ATP8A2: variants seen among roughly 807,000 people sequenced by gnomAD.
ATP8A2 encodes the protein ATPase phospholipid transporting 8A2.
Under a neutral mutation model 165.6 loss-of-function variants are expected in ATP8A2, and 100 were observed. The ratio of observed to expected loss-of-function variants is 0.60; its 90% CI spans 0.51 to 0.71. ATP8A2 has a LOEUF of 0.71. Among genes scored for constraint, ATP8A2 ranks in the 30% least tolerant of loss-of-function variants. ATP8A2 has a pLI of 0.00. For missense variants in ATP8A2, 1,227 were observed against 1,479.5 expected (o/e 0.83, Z 2.80); for synonymous variants, 543 against 548.8 (o/e 0.99, Z 0.15).
chr13:25,815,882 T>G (rs1011470865), intron 27 of ATP8A2, among the ~76,000 whole-genome samples: 62 of 152,336 alleles, frequency 4.1e-4, no homozygotes, highest in African/African-American at 1.4e-3. Context: ...TAATACATGC[T>G]ACAACATGGA....
chr13:25,723,254 T>C (rs1009613586), intron 25 of ATP8A2, among the ~76,000 whole-genome samples: 1 of 152,244 alleles, frequency 6.6e-6, no homozygotes. Context: ...ACTTATATTC[T>C]TAAGTGAATT....
chr13:25,633,286 A>G (rs111541408), intron 24 of ATP8A2, among the ~76,000 whole-genome samples: 1 of 152,152 alleles, frequency 6.6e-6, no homozygotes, highest in African/African-American at 2.4e-5. Context: ...TGGAGGCTTC[A>G]TTATATACCC....
chr13:25,812,724 C>T (rs982189634), intron 27 of ATP8A2, among the ~76,000 whole-genome samples: 5 of 151,804 alleles, frequency 3.3e-5, no homozygotes, highest in African/African-American at 4.8e-5. Flanking sequence ...CTATATGTGT[C>T]AAGTGGAATG....
At chr13:25,771,181 G>T (rs898224766) in intron 26 of ATP8A2, among the ~76,000 whole-genome samples, 4 of 152,210 alleles carry the variant, frequency 2.6e-5, no homozygotes, top group African/African-American at 9.6e-5. Context: ...TGACTTTATA[G>T]GTGGGAAAAC....
At chr13:25,730,192 C>T (rs2043589680) in intron 25 of ATP8A2, among the ~76,000 whole-genome samples, 1 of 152,092 alleles carries the variant, frequency 6.6e-6, no homozygotes, top group African/African-American at 2.4e-5. Flanking sequence ...TCTGGAGGCT[C>T]AGTTGGGAGG....
At chr13:25,462,469 G>A (rs1221694484) in intron 1 of ATP8A2, among the ~76,000 whole-genome samples, 2 of 126,594 alleles carry the variant, frequency 1.6e-5, no homozygotes, top group Admixed American at 8.7e-5. Flanking sequence ...GTTGAGATCC[G>A]GGAGGGTCCT....
intron 1 of ATP8A2, among the ~76,000 whole-genome samples, chr13:25,423,183 A>G (rs760913924): frequency 1.6e-4 from 24 of 152,220 alleles, no homozygotes; most frequent in Non-Finnish European, 3.2e-4. Flanking sequence ...TGCTCTTTCT[A>G]GGCCTTTTTA....
chr13:25,682,126 G>GCA (rs1366905132), intron 24 of ATP8A2, among the ~76,000 whole-genome samples: 1 of 152,114 alleles, frequency 6.6e-6, no homozygotes, highest in Non-Finnish European at 1.5e-5. Flanking sequence ...AAAACCCCGT[G>GCA]ATCACCATTC....
At chr13:25,867,060 T>C (rs1190055344) in intron 33 of ATP8A2, among the ~76,000 whole-genome samples, 4 of 152,132 alleles carry the variant, frequency 2.6e-5, no homozygotes, top group African/African-American at 9.7e-5. Flanking sequence ...GAAAACCTTT[T>C]GACTTCAAAG....
At chr13:25,890,119 T>C (rs899136180) in intron 33 of ATP8A2, among the ~76,000 whole-genome samples, 1 of 151,920 alleles carries the variant, frequency 6.6e-6, no homozygotes, top group Non-Finnish European at 1.5e-5. Flanking sequence ...CCGAGATCGC[T>C]CCACTGCCCT....
chr13:25,390,440 A>G (rs952206539), intron 1 of ATP8A2, among the ~76,000 whole-genome samples: 3 of 152,164 alleles, frequency 2.0e-5, no homozygotes, highest in African/African-American at 4.8e-5. Context: ...GTGTACAGTC[A>G]AGATAGGGAT....
rs1215461728 is a variant in ATP8A2, at chr13:25,465,766, T to TCTCTTTCG, written c.77-3204_77-3203insGCTCTTTC. Reference sequence around the variant, plus strand: ...CTCCCTCCCTCTCTCTCTCTCTTTCTCTCTTTCTCTCTTTCTCTCTTTCTT... The same window carrying TCTCTTTCG: ...CTCCCTCCCTCTCTCTCTCTCTTTCTCTCTTTCGCTCTTTCTCTCTTTCTCTCTTTCTT... On this transcript the variant is annotated intron_variant, in intron 1 of 36. Transcript: ENST00000381655. 8.2e-5 allele frequency among the ~76,000 whole-genome samples: 9 copies of TCTCTTTCG among 109,684 alleles called. 1 individual carries two copies. Among genetic ancestry groups the TCTCTTTCG allele is most frequent in the Non-Finnish European group, 1.5e-4 (8 of 54,674 alleles). The allele number at this position is 109,684 out of a possible 152,430, so 72.0% of individuals were successfully genotyped here. A position where few individuals can be genotyped will look rare whatever the true frequency, so the allele number is the denominator to read the frequency against.
chr13:25,448,643 C>T (rs564914500), intron 1 of ATP8A2, among the ~76,000 whole-genome samples: 1 of 151,960 alleles, frequency 6.6e-6, no homozygotes, highest in South Asian at 2.1e-4. Context: ...TTTAATAAGG[C>T]TCTTTTTATT....
chr13:25,677,963 G>A (rs990126235), intron 24 of ATP8A2, among the ~76,000 whole-genome samples: 1 of 152,110 alleles, frequency 6.6e-6, no homozygotes, highest in African/African-American at 2.4e-5. Flanking sequence ...TATTACAGAG[G>A]GTTATGAGGC....
intron 25 of ATP8A2, among the ~76,000 whole-genome samples, chr13:25,767,702 T>C (rs2044520184): frequency 6.6e-6 from 1 of 152,200 alleles, no homozygotes; most frequent in African/African-American, 2.4e-5. Context: ...CTTGTGAAAA[T>C]GCTAAAAGGG....
intron 26 of ATP8A2, among the ~76,000 whole-genome samples, chr13:25,772,116 C>T (rs940265170): frequency 5.3e-5 from 8 of 152,150 alleles, no homozygotes; most frequent in Admixed American, 2.6e-4. Context: ...GACCGAGCGC[C>T]GTCCTTTTTC....
chr13:25,540,304 T>C lies in ATP8A2; in HGVS notation c.582-15T>C, dbSNP rs768055797. The C allele has an allele frequency of 1.4e-5, 23 of 1,608,706 alleles. No individual in the cohort carries two copies. The highest frequency in any genetic ancestry group is 2.2e-5 in the South Asian group (2 of 90,802). On this transcript the variant is annotated splice_polypyrimidine_tract_variant and intron_variant, in intron 7 of 36. Coordinates refer to ENST00000381655, the MANE Select transcript of ATP8A2 (RefSeq NM_016529.6). ...GGACCTTATGAAACTTGGCTCTTTTTTTCTCTCTCCTTAGTGAACCTCAGG... is the reference window on the plus strand; with the variant it reads ...GGACCTTATGAAACTTGGCTCTTTTCTTCTCTCTCCTTAGTGAACCTCAGG...
intron 24 of ATP8A2, among the ~76,000 whole-genome samples, chr13:25,659,516 C>G (rs547543315): frequency 2.6e-5 from 4 of 152,164 alleles, no homozygotes; most frequent in African/African-American, 9.6e-5. Flanking sequence ...GATAAGCTAT[C>G]TCTACACCAC....
intron 35 of ATP8A2, among the ~76,000 whole-genome samples, chr13:25,984,821 T>C (rs2031352): frequency 1 from 151,896 of 152,268 alleles, 75,764 homozygotes; most frequent in Non-Finnish European, 1. Flanking sequence ...GGCAGCATGA[T>C]CACGCAGAAA....
Sources: allele counts gnomAD v4.1 joint callset (sites outside exome capture counted in the v4.1 genomes callset), GRCh38; gene constraint gnomAD v4.1.1; transcripts MANE v1.5; gene names NCBI Gene and HGNC (gene_info 2026-07-23, HGNC 2026-07-21).